ATG4C: variants seen among roughly 807,000 people sequenced by gnomAD.
ATG4C encodes the protein cysteine protease ATG4C.
Under a neutral mutation model 57.6 loss-of-function variants are expected in ATG4C, and 56 were observed. The ratio of observed to expected loss-of-function variants is 0.97; its 90% CI spans 0.78 to 1.21. The LOEUF (loss-of-function observed/expected upper bound fraction) is 1.21, where lower values mean the gene tolerates loss of function less well. Among genes scored for constraint, ATG4C ranks in the 50% most tolerant of loss-of-function variants. ATG4C has a pLI of 0.00. For missense variants in ATG4C, 595 were observed against 529.8 expected (o/e 1.12, Z -1.21); for synonymous variants, 157 against 174.1 (o/e 0.90, Z 0.78).
At chr1:62,852,898 C>T (rs1198742660) in intron 10 of ATG4C, among the ~76,000 whole-genome samples, 1 of 152,054 alleles carries the variant, frequency 6.6e-6, no homozygotes, top group Non-Finnish European at 1.5e-5. Flanking sequence ...GTTCTCCAGG[C>T]CTGGTGCAGA....
chr1:62,792,979 C>T (rs6657707), intron 1 of ATG4C, among the ~76,000 whole-genome samples: 60,050 of 151,056 alleles, frequency 0.4, 12,421 homozygotes, highest in East Asian at 0.67. Context: ...CTGCACGTCC[C>T]GGGTTCACGC....
chr1:62,835,426 G>T, intron 9 of ATG4C: 1 of 336,904 alleles, frequency 3.0e-6, no homozygotes, highest in Admixed American at 4.0e-5. Flanking sequence ...AAAAATTTGA[G>T]AATACATAAA....
intron 10 of ATG4C, among the ~76,000 whole-genome samples, chr1:62,843,049 T>A (rs901767018): frequency 6.6e-6 from 1 of 152,184 alleles, no homozygotes; most frequent in Non-Finnish European, 1.5e-5. Context: ...TTTCCCTGTT[T>A]CCATTCATGT....
At chr1:62,825,234 TAAAAAA>T (rs71045856) in intron 6 of ATG4C, among the ~76,000 whole-genome samples, 16 of 126,990 alleles carry the variant, frequency 1.3e-4, no homozygotes, top group Non-Finnish European at 1.2e-4. Context: ...AGACTCCGTC[TAAAAAA>T]AAAAAAAAAA....
intron 6 of ATG4C, among the ~76,000 whole-genome samples, chr1:62,824,663 C>T (rs1000502607): frequency 8.9e-6 from 1 of 112,284 alleles, no homozygotes; most frequent in Non-Finnish European, 1.8e-5. Context: ...CTCTTTCTCT[C>T]TCTCTCTTTT....
At chr1:62,856,476 A>G (rs1666686223) in intron 10 of ATG4C, among the ~76,000 whole-genome samples, 1 of 152,230 alleles carries the variant, frequency 6.6e-6, no homozygotes, top group African/African-American at 2.4e-5. Flanking sequence ...AGTACTTTAC[A>G]TATATTAGCT....
chr1:62,785,186 TCTTG>T (rs1253093436), intron 1 of ATG4C: 1 of 152,240 alleles, frequency 6.6e-6, no homozygotes, highest in African/African-American at 2.4e-5. Context: ...GGAATGATCT[TCTTG>T]CTTGCTTGTG....
intron 1 of ATG4C, among the ~76,000 whole-genome samples, chr1:62,799,752 C>T (rs1380333579): frequency 6.6e-6 from 1 of 152,072 alleles, no homozygotes; most frequent in African/African-American, 2.4e-5. Flanking sequence ...AAGCATATAT[C>T]CTTTGTATTA....
intron 3 of ATG4C, among the ~76,000 whole-genome samples, chr1:62,806,994 C>T (rs1440189497): frequency 6.6e-6 from 1 of 152,042 alleles, no homozygotes; most frequent in Non-Finnish European, 1.5e-5. Context: ...AGATGGGGTA[C>T]CCAGCTGGCT....
chr1:62,821,682 A>G (rs1362484133), intron 6 of ATG4C, among the ~76,000 whole-genome samples: 1 of 152,048 alleles, frequency 6.6e-6, no homozygotes, highest in Non-Finnish European at 1.5e-5. Flanking sequence ...ATCACTCTCT[A>G]TACAGGTTGA....
chr1:62,805,276 C>A lies in ATG4C; in HGVS notation c.160+21C>A, dbSNP rs774222745. 11 of 1,474,278 alleles carry A rather than the reference C, an allele frequency of 7.5e-6. No homozygotes were observed. In the African/African-American group the frequency reaches 1.0e-4, roughly 14 times the overall value. The allele number at this position is 1,474,278 out of a possible 1,614,324, so 91.3% of individuals were successfully genotyped here. Reference sequence around the variant, plus strand: ...TGAAGGTAAGTACAAAATTTGTAAACCATTTAAAAATTTTTGTAGAAATCA... The same window carrying A: ...TGAAGGTAAGTACAAAATTTGTAAAACATTTAAAAATTTTTGTAGAAATCA... On this transcript the variant is annotated intron_variant, in intron 3 of 10. Coordinates refer to ENST00000317868, the MANE Select transcript of ATG4C (RefSeq NM_032852.4).
intron 6 of ATG4C, among the ~76,000 whole-genome samples, chr1:62,821,910 C>G (rs561214186): frequency 6.6e-6 from 1 of 151,928 alleles, no homozygotes. Context: ...AAGTTTTGAC[C>G]GTGTTTTGAT....
At chr1:62,846,645 C>T (rs138542272) in intron 10 of ATG4C, among the ~76,000 whole-genome samples, 2 of 152,314 alleles carry the variant, frequency 1.3e-5, no homozygotes, top group Non-Finnish European at 2.9e-5. Context: ...CCACTGTCTG[C>T]TCAGGCCAAA....
At chr1:62,851,841 T>C (rs1051888653) in intron 10 of ATG4C, among the ~76,000 whole-genome samples, 1 of 152,208 alleles carries the variant, frequency 6.6e-6, no homozygotes, top group Non-Finnish European at 1.5e-5. Flanking sequence ...GATAATTGTT[T>C]ATCTTACAAT....
intron 3 of ATG4C, among the ~76,000 whole-genome samples, chr1:62,816,011 A>G (rs995185069): frequency 1.3e-5 from 2 of 152,036 alleles, no homozygotes; most frequent in Non-Finnish European, 2.9e-5. Context: ...AGCCTCCCAA[A>G]GTGCTGGGGA....
At chr1:62,851,918 G>A (rs1023874038) in intron 10 of ATG4C, among the ~76,000 whole-genome samples, 4 of 152,138 alleles carry the variant, frequency 2.6e-5, no homozygotes, top group Non-Finnish European at 5.9e-5. Flanking sequence ...TTTGCAAAGC[G>A]AAAATTGTAA....
chr1:62,830,024 A>G (rs1665790672), intron 7 of ATG4C, among the ~76,000 whole-genome samples: 2 of 152,084 alleles, frequency 1.3e-5, no homozygotes, highest in South Asian at 2.1e-4. Context: ...TATAGTCTCT[A>G]TATATTTAGT....
chr1:62,817,154 C>T (rs964717562), intron 4 of ATG4C, among the ~76,000 whole-genome samples: 4 of 151,950 alleles, frequency 2.6e-5, no homozygotes, highest in African/African-American at 9.7e-5. Context: ...GGATTATCTC[C>T]AGTTTAGTTA....
chr1:62,846,023 C>A (rs1181136236), intron 10 of ATG4C, among the ~76,000 whole-genome samples: 1 of 152,110 alleles, frequency 6.6e-6, no homozygotes, highest in African/African-American at 2.4e-5. Flanking sequence ...AGCTCACAGA[C>A]AAGTCTGTTT....
Sources: allele counts gnomAD v4.1 joint callset (sites outside exome capture counted in the v4.1 genomes callset), GRCh38; gene constraint gnomAD v4.1.1; transcripts MANE v1.5; gene names NCBI Gene and HGNC (gene_info 2026-07-23, HGNC 2026-07-21).